The following CDH4 variants were observed in gnomAD, a reference collection of about 807,000 sequenced individuals.
The protein encoded by CDH4 is cadherin-4.
In CDH4, 33 loss-of-function variants were observed where a neutral mutation model predicts 86.0. The observed-to-expected ratio is 0.38, with a 90% CI of 0.29 to 0.51. The LOEUF (loss-of-function observed/expected upper bound fraction) is 0.51. Among genes scored for constraint, CDH4 ranks in the 20% least tolerant of loss-of-function variants. CDH4 has a pLI of 0.86. For synonymous variants in CDH4, 555 were observed against 549.4 expected, an observed-to-expected ratio of 1.01 and a Z score of -0.14; for missense variants, 1,114 against 1,307.4, an observed-to-expected ratio of 0.85 and a Z score of 2.28.
rs1012763387 is a variant in CDH4, at chr20:61,544,722, G to C, written c.170-198841G>C. 2.0e-5 allele frequency among the ~76,000 whole-genome samples: 3 copies of C among 152,070 alleles called. No individual in the cohort carries two copies. Among genetic ancestry groups the C allele is most frequent in the South Asian group, 2.1e-4 (1 of 4,826 alleles). On this transcript the variant is annotated intron_variant, in intron 2 of 15. Transcript: ENST00000614565. This position sits in a 1 kb window ranked among gnomAD's most constrained non-coding sequence, Gnocchi z 6.5. ...ACAGTTGCAGTTTGGGATAATTTTG[G>C]TGGAGAAAGTTGTAAAACCACCTGA...
At chr20:61,680,004 C>T (rs908108592) in intron 2 of CDH4, among the ~76,000 whole-genome samples, 1 of 152,196 alleles carries the variant, frequency 6.6e-6, no homozygotes, top group Admixed American at 6.5e-5. Flanking sequence ...TTGCAGCCCC[C>T]AGGAAGCTGA....
chr20:61,282,536 G>GGTGT (rs11472190), intron 2 of CDH4, among the ~76,000 whole-genome samples: 44,101 of 146,456 alleles, frequency 0.3, 6,764 homozygotes, highest in African/African-American at 0.38. Context: ...TCTTTGGCAT[G>GGTGT]GTGTGTGTGC....
At chr20:61,334,173 C>A (rs1451876501) in intron 2 of CDH4, among the ~76,000 whole-genome samples, 3 of 152,198 alleles carry the variant, frequency 2.0e-5, no homozygotes, top group African/African-American at 7.2e-5. Context: ...TCTGTAACCC[C>A]CCAAGTCTGC....
At chr20:61,456,396 C>A (rs2085407158) in intron 2 of CDH4, among the ~76,000 whole-genome samples, 1 of 152,090 alleles carries the variant, frequency 6.6e-6, no homozygotes, top group East Asian at 1.9e-4. Context: ...TGATTTTGAC[C>A]CCCCAGTGGG....
At chr20:61,445,998 G>T (rs1194815899) in intron 2 of CDH4, among the ~76,000 whole-genome samples, 3 of 152,234 alleles carry the variant, frequency 2.0e-5, no homozygotes, top group Admixed American at 2.0e-4. Flanking sequence ...TAGCACACAT[G>T]GCAGTGAAAC....
intron 2 of CDH4, among the ~76,000 whole-genome samples, chr20:61,301,284 T>A (rs1241954744): frequency 6.6e-6 from 1 of 152,214 alleles, no homozygotes; most frequent in Non-Finnish European, 1.5e-5. Flanking sequence ...ACCAAGGGGA[T>A]ACAGTGCTGG....
intron 6 of CDH4, among the ~76,000 whole-genome samples, chr20:61,869,497 C>A (rs748869887): frequency 1.3e-5 from 2 of 152,216 alleles, no homozygotes; most frequent in Non-Finnish European, 2.9e-5. Context: ...CTGGGTCTAG[C>A]AGAGCTCACT....
intron 2 of CDH4, among the ~76,000 whole-genome samples, chr20:61,572,954 G>T (rs1002680083): frequency 9.9e-5 from 15 of 150,958 alleles, no homozygotes; most frequent in Admixed American, 9.9e-4. Context: ...ACATATGGGT[G>T]TACAGACATG....
intron 2 of CDH4, among the ~76,000 whole-genome samples, chr20:61,494,883 AGCT>A (rs1326297833): frequency 6.6e-6 from 1 of 152,256 alleles, no homozygotes; most frequent in African/African-American, 2.4e-5. Context: ...TATTGTGATC[AGCT>A]GCAAATGACT....
intron 8 of CDH4, among the ~76,000 whole-genome samples, chr20:61,909,340 C>T (rs982903631): frequency 6.6e-6 from 1 of 152,156 alleles, no homozygotes; most frequent in African/African-American, 2.4e-5. Flanking sequence ...CCACAGTGCC[C>T]AGCAGAAGCC....
At chr20:61,642,172 C>T (rs1301842601) in intron 2 of CDH4, among the ~76,000 whole-genome samples, 2 of 152,202 alleles carry the variant, frequency 1.3e-5, no homozygotes, top group African/African-American at 4.8e-5. Context: ...TGGTCTAGCC[C>T]AGGTTGTAGT....
At chr20:61,579,578 C>T (rs1261191855) in intron 2 of CDH4, among the ~76,000 whole-genome samples, 2 of 152,096 alleles carry the variant, frequency 1.3e-5, no homozygotes, top group South Asian at 2.1e-4. Flanking sequence ...TGAGCCACTG[C>T]ACCTGGCCCA....
Position 61,692,841 on chromosome 20 carries a change from G to GTTTTTTGT in CDH4, c.170-50716_170-50715insGTTTTTTT, listed in dbSNP as rs1555825817. ...CAAGCTTTTTTGTTTTTTGTTTTTT[G>GTTTTTTGT]TTTTTTTTTTTGCAAATGCTAGATA... On this transcript the variant is annotated intron_variant, in intron 2 of 15. Transcript: ENST00000614565. Among the ~76,000 whole-genome samples, 10 of 144,076 alleles carry GTTTTTTGT rather than the reference G, an allele frequency of 6.9e-5. No homozygotes were observed. In the South Asian group the frequency reaches 2.0e-3, roughly 28 times the overall value. The allele number at this position is 144,076 out of a possible 152,430, so 94.5% of individuals were successfully genotyped here. A position where few individuals can be genotyped will look rare whatever the true frequency, so the allele number is the denominator to read the frequency against.
rs1982882120 is a variant in CDH4 at position 61,854,327 on chromosome 20, G to A, written c.877+1429G>A. 2.0e-5 allele frequency among the ~76,000 whole-genome samples: 3 copies of A among 152,324 alleles called. No homozygotes were observed. The South Asian group carries it at 6.2e-4, about 32-fold the overall frequency. On this transcript the variant is annotated intron_variant, in intron 6 of 15. Transcript: ENST00000614565. ...GCTCGTGGAGGTGGCTGCGTGGGCG[G>A]TCCCTGGGCTATAGTGTGAACAAGG...
intron 2 of CDH4, among the ~76,000 whole-genome samples, chr20:61,372,799 A>AT (rs1369837175): frequency 6.6e-6 from 1 of 152,230 alleles, no homozygotes; most frequent in Non-Finnish European, 1.5e-5. Flanking sequence ...GCCGACTCCT[A>AT]GTAGCAGGAC....
At chr20:61,744,450 GA>G (rs2088386233) in intron 3 of CDH4, among the ~76,000 whole-genome samples, 2 of 52,674 alleles carry the variant, frequency 3.8e-5, no homozygotes, top group Admixed American at 1.8e-4. Context: ...GGAAGAGAGG[GA>G]GAGAGAGAAG....
chr20:61,843,993 C>T (rs770350508), intron 4 of CDH4, among the ~76,000 whole-genome samples: 1 of 152,188 alleles, frequency 6.6e-6, no homozygotes, highest in African/African-American at 2.4e-5. Context: ...CAGGAGGTTT[C>T]GCCTCAACTG....
At chr20:61,812,191 GC>G (rs1190331587) in intron 4 of CDH4, among the ~76,000 whole-genome samples, 2 of 152,058 alleles carry the variant, frequency 1.3e-5, no homozygotes, top group Admixed American at 1.3e-4. Context: ...GTTATTGGGG[GC>G]GGGGTATCAG....
chr20:61,787,078 G>A lies in CDH4; in HGVS notation c.576+13896G>A, dbSNP rs1456304490. ...AATGATGATGACAGCAGGCTGTGGT[G>A]GCCATTATCCATCCATCCATCATCC... On this transcript the variant is annotated intron_variant, in intron 4 of 15. Transcript: ENST00000614565. Among the ~76,000 whole-genome samples, 9 of 152,214 alleles carry A rather than the reference G, an allele frequency of 5.9e-5. No homozygotes were observed. The East Asian group carries it at 1.7e-3, about 29-fold the overall frequency.
Sources: allele counts gnomAD v4.1 joint callset (sites outside exome capture counted in the v4.1 genomes callset), GRCh38; gene constraint gnomAD v4.1.1; non-coding constraint Gnocchi (gnomAD v3.1); transcripts MANE v1.5; gene names NCBI Gene and HGNC (gene_info 2026-07-23, HGNC 2026-07-21).